SLC24A2: variants seen among roughly 807,000 people sequenced by gnomAD.
The protein encoded by SLC24A2 is solute carrier family 24 member 2.
Under a neutral mutation model 62.0 loss-of-function variants are expected in SLC24A2, and 36 were observed. The ratio of observed to expected loss-of-function variants is 0.58; its 90% CI spans 0.44 to 0.77. The LOEUF is 0.77. SLC24A2 is among the 30% of genes least tolerant of loss of function. The pLI is 0.00. For synonymous variants in SLC24A2, 358 were observed against 294.0 expected (o/e 1.22, Z -2.23); for missense variants, 846 against 817.9 (o/e 1.03, Z -0.42).
At chr9:20,247,443 G>T in the SLC24A2 span, among the ~76,000 whole-genome samples, 1 of 152,140 alleles carries the variant, frequency 6.6e-6, no homozygotes, top group South Asian at 2.1e-4. Context: ...GCCTTTGGGA[G>T]GTAATAAATT....
At chr9:20,053,388 TTTGCATTTTCC>T in the SLC24A2 span, among the ~76,000 whole-genome samples, 280 of 152,236 alleles carry the variant, frequency 1.8e-3, 1 homozygote, top group Non-Finnish European at 3.0e-3. Context: ...TTTTGTCCAT[TTTGCATTTTCC>T]TCCCTTTTGT....
chr9:19,588,224 T>C (rs1836433221), intron 5 of SLC24A2, among the ~76,000 whole-genome samples: 1 of 150,090 alleles, frequency 6.7e-6, no homozygotes. Flanking sequence ...ACAGAGAACA[T>C]CTATTCAAGT....
chr9:19,868,822 C>A, the SLC24A2 span, among the ~76,000 whole-genome samples: 1 of 151,638 alleles, frequency 6.6e-6, no homozygotes, highest in Admixed American at 6.6e-5. Flanking sequence ...TATGGTATAT[C>A]ATTTTCCATT....
the SLC24A2 span, among the ~76,000 whole-genome samples, chr9:19,834,572 A>G: frequency 6.6e-6 from 1 of 152,236 alleles, no homozygotes; most frequent in East Asian, 1.9e-4. Flanking sequence ...ATATGGGACT[A>G]TGTGAAAAGA....
Position 19,612,291 on chromosome 9 carries a change from T to C in SLC24A2, c.1078+7293A>G, listed in dbSNP as rs111375474. 4.8e-3 allele frequency among the ~76,000 whole-genome samples: 730 copies of C among 152,322 alleles called. 10 individuals are homozygous for C. The highest frequency in any genetic ancestry group is 0.015 in the African/African-American group (644 of 41,576). On this transcript the variant is annotated intron_variant, in intron 4 of 10. Coordinates refer to ENST00000341998, the MANE Select transcript of SLC24A2 (RefSeq NM_020344.4). Reference sequence around the variant, plus strand: ...ACTGGCACTTATTCTCTGCCAGGCCTTGTTGTAAGTGCTTTTCATATACTA... The same window carrying C: ...ACTGGCACTTATTCTCTGCCAGGCCCTGTTGTAAGTGCTTTTCATATACTA...
chr9:19,636,495 G>C (rs558754320), intron 2 of SLC24A2, among the ~76,000 whole-genome samples: 1 of 145,980 alleles, frequency 6.9e-6, no homozygotes, highest in Non-Finnish European at 1.5e-5. Flanking sequence ...GCAGTGGTGT[G>C]ATCTCGGCTC....
chr9:20,172,450 T>C, the SLC24A2 span, among the ~76,000 whole-genome samples: 2 of 151,958 alleles, frequency 1.3e-5, no homozygotes, highest in Admixed American at 1.3e-4. Context: ...GATAGAACAT[T>C]AGCAAGAGTA....
chr9:20,256,460 G>C, the SLC24A2 span, among the ~76,000 whole-genome samples: 1 of 152,214 alleles, frequency 6.6e-6, no homozygotes, highest in East Asian at 1.9e-4. Context: ...AGGAAGTAGA[G>C]TGTCTGGGCC....
rs141026352 is a variant in SLC24A2, at chr9:19,574,447, T to C, written c.1229-978A>G. Among the ~76,000 whole-genome samples, 3 of 152,286 alleles carry C rather than the reference T, an allele frequency of 2.0e-5. No individual in the cohort carries two copies. In the East Asian group the frequency reaches 5.8e-4, roughly 29 times the overall value. On this transcript the variant is annotated intron_variant, in intron 6 of 10. Transcript: ENST00000341998. ...TATTCTGGATCTACAACTTGTGCTG[T>C]TTCACCCTTTGCAAGTGACTCAACC... is the stretch of plus-strand genomic sequence containing the variant.
chr9:20,248,291 G>C, the SLC24A2 span, among the ~76,000 whole-genome samples: 17,354 of 152,220 alleles, frequency 0.11, 1,965 homozygotes, highest in East Asian at 0.52. Context: ...TTGGCTCAAG[G>C]CCCTAACAGG....
intron 7 of SLC24A2, among the ~76,000 whole-genome samples, chr9:19,555,442 G>A (rs1050885798): frequency 3.9e-5 from 6 of 152,136 alleles, no homozygotes; most frequent in African/African-American, 1.4e-4. Context: ...TGACAGTGGT[G>A]GATCTGTGCT....
the SLC24A2 span, among the ~76,000 whole-genome samples, chr9:20,291,682 C>T: frequency 9.9e-5 from 15 of 152,116 alleles, no homozygotes; most frequent in Admixed American, 5.2e-4. Flanking sequence ...GTTTCCTGGA[C>T]GCTGGAGCAC....
At chr9:20,182,677 T>A in the SLC24A2 span, among the ~76,000 whole-genome samples, 1 of 152,094 alleles carries the variant, frequency 6.6e-6, no homozygotes, top group Non-Finnish European at 1.5e-5. Context: ...GAGAAATACC[T>A]AATGCAAATG....
the SLC24A2 span, among the ~76,000 whole-genome samples, chr9:19,832,580 A>G: frequency 6.6e-6 from 1 of 152,218 alleles, no homozygotes; most frequent in Non-Finnish European, 1.5e-5. Flanking sequence ...CACCTTATAC[A>G]AAAATTAATT....
At chr9:19,946,429 A>G in the SLC24A2 span, among the ~76,000 whole-genome samples, 1 of 152,194 alleles carries the variant, frequency 6.6e-6, no homozygotes, top group Non-Finnish European at 1.5e-5. Flanking sequence ...AATCAGTATC[A>G]TTAGAAGTTT....
At chr9:19,567,524 G>T (rs542609845) in intron 7 of SLC24A2, among the ~76,000 whole-genome samples, 1 of 128,236 alleles carries the variant, frequency 7.8e-6, no homozygotes, top group African/African-American at 3.2e-5. Flanking sequence ...CCAGCCTGGG[G>T]ACAGAGCAAG....
intron 2 of SLC24A2, among the ~76,000 whole-genome samples, chr9:19,687,873 G>A (rs996582735): frequency 6.6e-6 from 1 of 152,036 alleles, no homozygotes; most frequent in African/African-American, 2.4e-5. Context: ...AGGTGCTTGC[G>A]TTACTTAAAT....
rs2132607798 is a variant in SLC24A2 at position 19,512,191 on chromosome 9, TA to T, written c.*3961del. The T allele has an allele frequency of 6.6e-6, 1 of 152,316 alleles. No homozygotes were observed. Among genetic ancestry groups the T allele is most frequent in the African/African-American group, 2.4e-5 (1 of 41,578 alleles). The allele number at this position is 152,316 out of a possible 1,614,324, so 9.4% of individuals were successfully genotyped here. Reference sequence around the variant, plus strand: ...CTCTCTCCCTGCCCAGGAATGGATGTACATTAACATTGTCAAATGTCTAATC... The same window carrying T: ...CTCTCTCCCTGCCCAGGAATGGATGTCATTAACATTGTCAAATGTCTAATC... On this transcript the variant is annotated 3_prime_UTR_variant, in exon 11 of 11. Coordinates refer to ENST00000341998, the MANE Select transcript of SLC24A2 (RefSeq NM_020344.4).
intron 4 of SLC24A2, among the ~76,000 whole-genome samples, chr9:19,598,418 T>C (rs1035828885): frequency 6.6e-6 from 1 of 152,212 alleles, no homozygotes; most frequent in African/African-American, 2.4e-5. Flanking sequence ...GTGTATTTCA[T>C]ATTTGTATGA....
Sources: allele counts gnomAD v4.1 joint callset (sites outside exome capture counted in the v4.1 genomes callset), GRCh38; gene constraint gnomAD v4.1.1; transcripts MANE v1.5; gene names NCBI Gene and HGNC (gene_info 2026-07-23, HGNC 2026-07-21).